The following PTPN4 variants were observed in gnomAD, a reference collection of about 807,000 sequenced individuals.
PTPN4 encodes protein tyrosine phosphatase non-receptor type 4.
A neutral mutation model predicts 135.5 loss-of-function variants in PTPN4; 49 were observed. That is an observed-to-expected ratio of 0.36 (90% CI 0.29 to 0.46). The LOEUF is 0.46. PTPN4 is among the 20% of genes least tolerant of loss of function. The probability of loss-of-function intolerance (pLI) is 1.00; values close to 1 mark genes in which losing one functional copy is unlikely to be tolerated. For synonymous variants in PTPN4, 333 were observed against 369.9 expected (o/e 0.90, Z 1.14); for missense variants, 860 against 1,101.0 (o/e 0.78, Z 3.10).
chr2:119,817,602 C>G (rs11884248), intron 2 of PTPN4, among the ~76,000 whole-genome samples: 107,631 of 151,952 alleles, frequency 0.71, 38,300 homozygotes, highest in East Asian at 0.83. Flanking sequence ...GTAGTGTGAT[C>G]CCTCCAGATT....
At chr2:119,938,851 C>T (rs752271438) in intron 15 of PTPN4, among the ~76,000 whole-genome samples, 20 of 151,818 alleles carry the variant, frequency 1.3e-4, no homozygotes, top group Non-Finnish European at 2.5e-4. Flanking sequence ...TCCACTGCCA[C>T]AAAAAGTTTG....
At chr2:119,809,327 A>C (rs55800644) in intron 1 of PTPN4, among the ~76,000 whole-genome samples, 4,610 of 151,194 alleles carry the variant, frequency 0.03, 109 homozygotes, top group Non-Finnish European at 0.051. Context: ...CAATAATACT[A>C]TTAGGTTGAA....
intron 10 of PTPN4, among the ~76,000 whole-genome samples, chr2:119,913,161 T>C (rs558381417): frequency 6.6e-6 from 1 of 152,210 alleles, no homozygotes; most frequent in Non-Finnish European, 1.5e-5. Flanking sequence ...GTGAGAATTA[T>C]GTTGCTCTGA....
intron 1 of PTPN4, among the ~76,000 whole-genome samples, chr2:119,770,424 TA>T (rs1277298629): frequency 6.6e-6 from 1 of 152,224 alleles, no homozygotes; most frequent in Non-Finnish European, 1.5e-5. Flanking sequence ...CAAAATAATA[TA>T]AAAAGGCATA....
chr2:119,949,061 T>C (rs1438618604), intron 18 of PTPN4, among the ~76,000 whole-genome samples: 1 of 152,182 alleles, frequency 6.6e-6, no homozygotes, highest in Non-Finnish European at 1.5e-5. Flanking sequence ...TATGGATAGT[T>C]TTCAATTAAG....
At chr2:119,924,715 T>A (rs986002280) in intron 12 of PTPN4, among the ~76,000 whole-genome samples, 32 of 151,776 alleles carry the variant, frequency 2.1e-4, no homozygotes, top group East Asian at 1.2e-3. Flanking sequence ...TCATTAATTT[T>A]AAAAAAAATT....
intron 1 of PTPN4, among the ~76,000 whole-genome samples, chr2:119,760,711 T>C (rs1268975293): frequency 2.0e-5 from 3 of 150,468 alleles, no homozygotes; most frequent in African/African-American, 4.9e-5. Flanking sequence ...GAATCTTGAG[T>C]TTTCCATTGC....
chr2:119,910,665 A>G (rs978025818), intron 10 of PTPN4, among the ~76,000 whole-genome samples: 10 of 152,108 alleles, frequency 6.6e-5, no homozygotes, highest in African/African-American at 2.4e-4. Flanking sequence ...TCTCATGATA[A>G]TGAGTGAGTC....
At chr2:119,804,442 A>G (rs915357028) in intron 1 of PTPN4, among the ~76,000 whole-genome samples, 1 of 151,614 alleles carries the variant, frequency 6.6e-6, no homozygotes. Flanking sequence ...CCTCCACCCA[A>G]CGACAGGCCC....
chr2:119,885,925 C>T (rs567204388), intron 9 of PTPN4, 43 bp downstream of exon 9: 52 of 1,329,374 alleles, frequency 3.9e-5, no homozygotes, highest in South Asian at 3.8e-4. Flanking sequence ...AGTTAGGCTC[C>T]GTTACTCAAT....
intron 26 of PTPN4, 168 bp from the exon 27 acceptor site, chr2:119,976,816 T>C: frequency 8.1e-7 from 1 of 1,229,946 alleles, no homozygotes; most frequent in African/African-American, 1.6e-5. Context: ...TGCCAAACTG[T>C]ATTTTTTAAC....
intron 2 of PTPN4, among the ~76,000 whole-genome samples, chr2:119,851,412 G>C (rs1314828716): frequency 2.6e-5 from 4 of 152,216 alleles, no homozygotes; most frequent in African/African-American, 9.6e-5. Context: ...AGAGACCCAA[G>C]TGGGCACCAA....
chr2:119,955,115 A>C, intron 19 of PTPN4, 42 bp from the exon 20 acceptor site: 2 of 1,524,448 alleles, frequency 1.3e-6, no homozygotes, highest in Non-Finnish European at 1.8e-6. Flanking sequence ...GAATTCATTA[A>C]GATTTCCACG....
In PTPN4 at chr2:119,960,226, T is replaced by A. The variant is rs1022678818; in HGVS notation, c.2134-581T>A. Among the ~76,000 whole-genome samples, 9 of 152,266 alleles carry A rather than the reference T, an allele frequency of 5.9e-5. No individual in the cohort carries two copies. The South Asian group carries it at 1.9e-3, about 32-fold the overall frequency. ...GCATATATCACCTTTTTAAAAAAAA[T>A]TTAATCTCAAAATGTAGTAGGATAA... is the stretch of plus-strand genomic sequence containing the variant. On this transcript the variant is annotated intron_variant, in intron 22 of 26. Transcript: ENST00000263708.
intron 1 of PTPN4, among the ~76,000 whole-genome samples, chr2:119,783,860 CAG>C (rs766891137): frequency 1.3e-5 from 2 of 152,206 alleles, no homozygotes; most frequent in Non-Finnish European, 2.9e-5. Context: ...GGAATTCAAA[CAG>C]GGTACAGGAG....
At chr2:119,814,877 G>A (rs753211973) in intron 2 of PTPN4, among the ~76,000 whole-genome samples, 1 of 152,098 alleles carries the variant, frequency 6.6e-6, no homozygotes, top group African/African-American at 2.4e-5. Flanking sequence ...AGCTTTTATA[G>A]TATATGAAAA....
intron 2 of PTPN4, among the ~76,000 whole-genome samples, chr2:119,839,108 G>GAATTAA (rs1677342140): frequency 6.6e-6 from 1 of 152,106 alleles, no homozygotes; most frequent in Admixed American, 6.5e-5. Flanking sequence ...ACTCTTGAGT[G>GAATTAA]AATTAAGGGT....
At chr2:119,883,210 A>T (rs1325878114) in intron 8 of PTPN4, among the ~76,000 whole-genome samples, 2 of 152,122 alleles carry the variant, frequency 1.3e-5, no homozygotes, top group African/African-American at 4.8e-5. Context: ...TGTTTCATAC[A>T]CAGAATTATT....
intron 1 of PTPN4, among the ~76,000 whole-genome samples, chr2:119,789,104 T>A (rs1691094867): frequency 6.6e-6 from 1 of 151,754 alleles, no homozygotes; most frequent in Admixed American, 6.6e-5. Context: ...TTTTTTTTTT[T>A]AAAGTAGTAA....
Sources: gnomAD v4.1 joint callset for allele counts (sites outside exome capture counted in the v4.1 genomes callset) on GRCh38, gnomAD v4.1.1 for gene constraint, MANE v1.5 for transcripts, NCBI Gene and HGNC (gene_info 2026-07-23, HGNC 2026-07-21) for gene names.